The following UPF2 variants were observed in gnomAD, a reference collection of about 807,000 sequenced individuals.
The protein encoded by UPF2 is regulator of nonsense transcripts 2.
UPF2 carries 17 observed loss-of-function variants against 141.4 expected under a neutral mutation model. That is an observed-to-expected ratio of 0.12 (90% CI 0.08 to 0.18). The LOEUF (loss-of-function observed/expected upper bound fraction) is 0.18. Among genes scored for constraint, UPF2 ranks in the 10% least tolerant of loss-of-function variants. The probability of loss-of-function intolerance (pLI) is 1.00; values close to 1 mark genes in which losing one functional copy is unlikely to be tolerated. For synonymous variants in UPF2, 540 were observed against 498.0 expected, an observed-to-expected ratio of 1.08 and a Z score of -1.12; for missense variants, 1,152 against 1,515.9, an observed-to-expected ratio of 0.76 and a Z score of 3.99.
chr10:12,035,150 C>T lies in UPF2; in HGVS notation c.274G>A (p.Glu92Lys), dbSNP rs1160241745. The change falls in exon 2 of 22, where the codon GAA becomes AAA. Residue 92 changes from glutamate (E) to lysine (K), a missense_variant. By Grantham distance (56) the Glu-to-Lys change is moderately conservative (BLOSUM62 1). Transcript: ENST00000357604. Reference sequence around the variant, plus strand: ...TCCTCTTGATGTTTCTTTTTTTCTTCCTCTTCTTTTTTCTTTGATTCTTCC... The same window carrying T: ...TCCTCTTGATGTTTCTTTTTTTCTTTCTCTTCTTTTTTCTTTGATTCTTCC... ...AEEESKKKEE[E>K]EKKKHQEEER... 1.9e-6 allele frequency: 3 copies of T among 1,600,694 alleles called. No homozygotes were observed. The highest frequency in any genetic ancestry group is 1.8e-5 in the Admixed American group (1 of 56,504).
At chr10:12,015,175 A>G (rs1834195811) in intron 3 of UPF2, among the ~76,000 whole-genome samples, 2 of 152,232 alleles carry the variant, frequency 1.3e-5, no homozygotes. Flanking sequence ...ATAAATTATA[A>G]AAGTTATTTT....
chr10:11,970,903 T>A lies in UPF2; in HGVS notation c.1954-3449A>T, dbSNP rs1005255586. ...GGTTGGGAAATATATATATATATAT[T>A]TTTAAATCTCCTTGGATGACGTTGG... is the stretch of plus-strand genomic sequence containing the variant. On this transcript the variant is annotated intron_variant, in intron 9 of 21. Transcript: ENST00000357604. 4.6e-5 allele frequency among the ~76,000 whole-genome samples: 7 copies of A among 150,888 alleles called. No individual in the cohort carries two copies. The East Asian group carries it at 9.6e-4, about 21-fold the overall frequency.
chr10:11,947,218 C>T (rs1241228552), intron 16 of UPF2, among the ~76,000 whole-genome samples: 1 of 152,034 alleles, frequency 6.6e-6, no homozygotes, highest in African/African-American at 2.4e-5. Flanking sequence ...CAACAAAACC[C>T]AAAGAATTAA....
intron 2 of UPF2, among the ~76,000 whole-genome samples, chr10:12,031,414 C>T (rs1186450027): frequency 6.6e-6 from 1 of 152,040 alleles, no homozygotes; most frequent in East Asian, 1.9e-4. Context: ...TATTTTTCCA[C>T]TAAAAAGACA....
At chr10:11,930,034 ACTC>A (rs1832764010) in intron 20 of UPF2, 49 bp from the exon 21 acceptor site, 1 of 1,612,512 alleles carries the variant, frequency 6.2e-7, no homozygotes, top group African/African-American at 1.3e-5. Context: ...TTAGAAATGT[ACTC>A]CTCCTACAGA....
chr10:11,961,144 G>A (rs1833234640), intron 11 of UPF2, among the ~76,000 whole-genome samples: 1 of 151,324 alleles, frequency 6.6e-6, no homozygotes, highest in Non-Finnish European at 1.5e-5. Flanking sequence ...CACTATGGCA[G>A]GTGCGGGAAA....
intron 4 of UPF2, among the ~76,000 whole-genome samples, chr10:12,012,497 T>G (rs751183631): frequency 8.5e-5 from 13 of 152,182 alleles, no homozygotes; most frequent in Non-Finnish European, 1.9e-4. Context: ...TTAAAAAGTT[T>G]GGCCAGGCAC....
Position 12,029,003 on chromosome 10 carries a change from T to C in UPF2, c.887A>G (p.Asn296Ser), listed in dbSNP as rs899233564. Reference protein sequence around the residue: ...LIYEQLKNIINADRESHTHVS... With the variant: ...LIYEQLKNIISADRESHTHVS... ...ATGAGTGTGGGACTCCCGATCAGCA[T>C]TAATAATATTTTTTAGCTGTTCATA... The change falls in exon 3 of 22, where the codon AAT (asparagine) becomes AGT (serine). Residue 296 changes from asparagine (N) to serine (S), a missense_variant. Asn to Ser is a conservative substitution (Grantham distance 46). Transcript: ENST00000357604. 6.2e-7 allele frequency: 1 copy of C among 1,614,080 alleles called. No individual in the cohort carries two copies. The highest frequency in any genetic ancestry group is 1.3e-5 in the African/African-American group (1 of 74,922).
At chr10:11,938,817 G>A (rs1415679919) in intron 18 of UPF2, among the ~76,000 whole-genome samples, 4 of 134,862 alleles carry the variant, frequency 3.0e-5, no homozygotes, top group Admixed American at 1.5e-4. Flanking sequence ...ACTCCACCAC[G>A]TCCTAGCCAT....
intron 1 of UPF2, among the ~76,000 whole-genome samples, chr10:12,038,375 ATC>A (rs767655170): frequency 1.3e-5 from 1 of 76,750 alleles, no homozygotes; most frequent in Non-Finnish European, 3.0e-5. Context: ...GTGAGACTCC[ATC>A]TCACACACAC....
At chr10:11,947,786 C>CAAAAAAA (rs58897556) in intron 16 of UPF2, among the ~76,000 whole-genome samples, 7 of 65,606 alleles carry the variant, frequency 1.1e-4, no homozygotes, top group East Asian at 4.4e-4. Flanking sequence ...AACCTTGTCT[C>CAAAAAAA]AAAAAAAAAA....
At chr10:11,995,345 G>C (rs935673009) in intron 8 of UPF2, among the ~76,000 whole-genome samples, 1 of 152,170 alleles carries the variant, frequency 6.6e-6, no homozygotes, top group African/African-American at 2.4e-5. Context: ...TTGAAAACCA[G>C]CTAGCTAAGA....
chr10:11,973,944 G>C (rs550098682), intron 9 of UPF2, among the ~76,000 whole-genome samples: 41 of 152,238 alleles, frequency 2.7e-4, no homozygotes, highest in African/African-American at 9.6e-4. Flanking sequence ...AGTTTGATGG[G>C]GATGGCACTG....
rs1194566890 is a variant in UPF2, at chr10:11,921,281, T to C, written c.*17A>G. 1.9e-6 allele frequency: 3 copies of C among 1,613,964 alleles called. No individual in the cohort carries two copies. Among genetic ancestry groups the C allele is most frequent in the Admixed American group, 1.7e-5 (1 of 59,998 alleles). ...ACATCAGATACAGGACCTAATGAAA[T>C]GACACGTGCTGCTGGATCAACGTCT... On this transcript the variant is annotated 3_prime_UTR_variant, in exon 22 of 22. Transcript: ENST00000357604. The surrounding 1 kb of genome is among the most constrained non-coding windows in gnomAD (Gnocchi z 5.9).
At chr10:11,981,487 A>G (rs914367741) in intron 8 of UPF2, among the ~76,000 whole-genome samples, 1 of 152,200 alleles carries the variant, frequency 6.6e-6, no homozygotes, top group Non-Finnish European at 1.5e-5. Context: ...AAAATAAACC[A>G]TATCTTTCTT....
Position 11,938,853 on chromosome 10 carries a change from G to GTTTTTTTTTTTTTTTT in UPF2, c.3379-2157_3379-2142dup, listed in dbSNP as rs58106776. Reference sequence around the variant, plus strand: ...GTGGTCTTAAGCAAGTTTTTTTTTTGTTTTTTTTTTTTTTTTTTTTTTTTT... The same window carrying GTTTTTTTTTTTTTTTT: ...GTGGTCTTAAGCAAGTTTTTTTTTTGTTTTTTTTTTTTTTTTTTTTTTTTTTTTTTTTTTTTTTTTT... On this transcript the variant is annotated intron_variant, in intron 18 of 21. Coordinates refer to ENST00000357604, the MANE Select transcript of UPF2 (RefSeq NM_015542.4). 2.7e-3 allele frequency among the ~76,000 whole-genome samples: 216 copies of GTTTTTTTTTTTTTTTT among 79,824 alleles called. 59 individuals are homozygous for GTTTTTTTTTTTTTTTT. Among genetic ancestry groups the GTTTTTTTTTTTTTTTT allele is most frequent in the Non-Finnish European group, 3.0e-3 (129 of 42,774 alleles). The allele number at this position is 79,824 out of a possible 152,430, so 52.4% of individuals were successfully genotyped here.
chr10:12,016,667 C>G lies in UPF2; in HGVS notation c.1146-2483G>C, dbSNP rs1181777657. 4.6e-5 allele frequency among the ~76,000 whole-genome samples: 7 copies of G among 150,744 alleles called. No homozygotes were observed. The highest frequency in any genetic ancestry group is 1.7e-4 in the African/African-American group (7 of 40,924). On this transcript the variant is annotated intron_variant, in intron 3 of 21. Coordinates refer to ENST00000357604, the MANE Select transcript of UPF2 (RefSeq NM_015542.4). This position sits in a 1 kb window ranked among gnomAD's most constrained non-coding sequence, Gnocchi z 4.1. ...CAAGATTGCACCACTGTACTCCAGC[C>G]TGGGCGACAGAGCAAGACTGTCTAA...
At chr10:11,988,056 T>C (rs546372252) in intron 8 of UPF2, among the ~76,000 whole-genome samples, 2 of 152,250 alleles carry the variant, frequency 1.3e-5, no homozygotes, top group African/African-American at 4.8e-5. Flanking sequence ...CTCTTAGAAC[T>C]CATTCATAAA....
chr10:11,965,149 T>C (rs942319191), intron 10 of UPF2, among the ~76,000 whole-genome samples: 1 of 152,174 alleles, frequency 6.6e-6, no homozygotes, highest in Non-Finnish European at 1.5e-5. Context: ...ACATACATCA[T>C]TGTAGAGAAA....
Sources: allele counts gnomAD v4.1 joint callset (sites outside exome capture counted in the v4.1 genomes callset), GRCh38; gene constraint gnomAD v4.1.1; non-coding constraint Gnocchi (gnomAD v3.1); transcripts MANE v1.5; gene names NCBI Gene and HGNC (gene_info 2026-07-23, HGNC 2026-07-21).